The following USP7 variants were observed in gnomAD, a reference collection of about 807,000 sequenced individuals.
USP7 encodes ubiquitin C-terminal hydrolase 7.
In USP7, 9 loss-of-function variants were observed where a neutral mutation model predicts 162.9. The ratio of observed to expected loss-of-function variants is 0.06; its 90% CI spans 0.03 to 0.10. USP7 has a LOEUF of 0.10. Ranked by LOEUF, USP7 falls within the 10% of genes least tolerant of loss-of-function variation. The pLI is 1.00. For synonymous variants in USP7, 562 were observed against 475.9 expected (o/e 1.18, Z -2.35); for missense variants, 715 against 1,373.7 (o/e 0.52, Z 7.58).
At chr16:8,932,411 A>C (rs908814938) in intron 1 of USP7, among the ~76,000 whole-genome samples, 2 of 152,140 alleles carry the variant, frequency 1.3e-5, no homozygotes, top group African/African-American at 4.8e-5. Context: ...ATTTATTATT[A>C]TTTTTAAAGC....
At chr16:8,951,526 C>A (rs1376171884) in intron 1 of USP7, among the ~76,000 whole-genome samples, 2 of 152,110 alleles carry the variant, frequency 1.3e-5, no homozygotes, top group Non-Finnish European at 2.9e-5. Context: ...TTGGAGAGAG[C>A]CCCTGGATAT....
chr16:8,947,817 G>A (rs1899357350), intron 1 of USP7, among the ~76,000 whole-genome samples: 1 of 152,204 alleles, frequency 6.6e-6, no homozygotes, highest in African/African-American at 2.4e-5. Flanking sequence ...GTGCCATGCT[G>A]CCTCAGCTAG....
Position 8,904,628 on chromosome 16 carries a change from G to A in USP7, c.1574-63C>T, listed in dbSNP as rs878989275. 6.4e-5 allele frequency: 101 copies of A among 1,582,972 alleles called. No individual in the cohort carries two copies. In the South Asian group the frequency reaches 7.4e-4, roughly 12 times the overall value. On this transcript the variant is annotated intron_variant, in intron 14 of 30. Coordinates refer to ENST00000344836, the MANE Select transcript of USP7 (RefSeq NM_003470.3). The stretch of plus-strand genomic sequence containing the variant: ...GGACTTTCCCCTCTTAGAAGCTCCC[G>A]ATTCTAGGTCATCATTAATAAAATA...
intron 1 of USP7, among the ~76,000 whole-genome samples, chr16:8,958,366 G>T (rs927997737): frequency 6.6e-6 from 1 of 152,336 alleles, no homozygotes; most frequent in Admixed American, 6.5e-5. Flanking sequence ...CAAGGAGGCT[G>T]GGGCCATCCT....
intron 7 of USP7, 90 bp downstream of exon 7, chr16:8,916,936 C>G (rs1897402977): frequency 7.1e-7 from 1 of 1,414,734 alleles, no homozygotes; most frequent in Admixed American, 2.7e-5. Flanking sequence ...ACAGTATGCT[C>G]TACTAACTTT....
chr16:8,952,628 C>G (rs989845991), intron 1 of USP7, among the ~76,000 whole-genome samples: 20 of 152,192 alleles, frequency 1.3e-4, no homozygotes, highest in African/African-American at 4.8e-4. Context: ...GGCCCACCTC[C>G]TCACTAGGGA....
intron 13 of USP7, 71 bp downstream of exon 13, chr16:8,906,355 G>T: frequency 6.5e-7 from 1 of 1,547,456 alleles, no homozygotes; most frequent in South Asian, 1.2e-5. Context: ...GTAGGAACCA[G>T]AACAGGCTGA....
At chr16:8,941,220 G>A (rs960451758) in intron 1 of USP7, among the ~76,000 whole-genome samples, 8 of 152,038 alleles carry the variant, frequency 5.3e-5, no homozygotes, top group Non-Finnish European at 1.2e-4. Context: ...GAAACCTCTT[G>A]GAAGGAGCCA....
chr16:8,894,860 A>C lies in USP7; in HGVS notation c.3040-5T>G. 1 of 1,614,208 alleles carries C rather than the reference A, an allele frequency of 6.2e-7. No homozygotes were observed. The highest frequency in any genetic ancestry group is 8.5e-7 in the Non-Finnish European group (1 of 1,180,032). ...CACTTCTCGAAAATGCTCGCCCTAG[A>C]ATGGCAAAGGACATGTGCTCACACA... On this transcript the variant is annotated splice_region_variant and splice_polypyrimidine_tract_variant and intron_variant, in intron 28 of 30. Transcript: ENST00000344836.
At chr16:8,947,800 T>C (rs1039974162) in intron 1 of USP7, among the ~76,000 whole-genome samples, 64 of 152,220 alleles carry the variant, frequency 4.2e-4, no homozygotes, top group African/African-American at 1.5e-3. Flanking sequence ...GACTGCCTGA[T>C]GGGTTTGTGC....
intron 1 of USP7, among the ~76,000 whole-genome samples, chr16:8,951,807 T>C (rs2141262230): frequency 6.6e-6 from 1 of 152,348 alleles, no homozygotes; most frequent in East Asian, 1.9e-4. Context: ...AGGATCTCAT[T>C]AAAACTTGTT....
At chr16:8,938,151 C>A (rs1041400013) in intron 1 of USP7, among the ~76,000 whole-genome samples, 1 of 152,088 alleles carries the variant, frequency 6.6e-6, no homozygotes, top group African/African-American at 2.4e-5. Context: ...CCTGAGCAAA[C>A]AGGCACGACA....
chr16:8,916,694 G>A, intron 7 of USP7, 138 bp from the exon 8 acceptor site: 2 of 917,360 alleles, frequency 2.2e-6, no homozygotes, highest in Admixed American at 2.9e-5. Flanking sequence ...TTATTTTTGG[G>A]AGTCATAATT....
At chr16:8,908,839 C>G (rs926263082) in intron 11 of USP7, among the ~76,000 whole-genome samples, 1 of 152,218 alleles carries the variant, frequency 6.6e-6, no homozygotes, top group Non-Finnish European at 1.5e-5. Flanking sequence ...TCAGAAAACT[C>G]TGGTTACAAT....
At position 8,903,305 on chromosome 16, in the gene USP7, G is replaced by A. The variant is rs768357840; in HGVS notation, c.1802C>T (p.Ser601Leu). 1.2e-5 allele frequency: 20 copies of A among 1,613,862 alleles called. No homozygotes were observed. Among genetic ancestry groups the A allele is most frequent in the Non-Finnish European group, 1.5e-5 (18 of 1,179,942 alleles). ...YTVFKVLKNS[S>L]LAEFVQSLSQ... is the part of the protein sequence containing the mutation. ...GAGGCTCTGAACAAACTCAGCAAGCGAGGAGTTCTTCAATACTTTGAACAC... is the reference window on the plus strand; with the variant it reads ...GAGGCTCTGAACAAACTCAGCAAGCAAGGAGTTCTTCAATACTTTGAACAC... The change falls in exon 16 of 31, where the codon TCG becomes TTG. Residue 601 changes from serine to leucine, a missense_variant. This residue lies in a region of USP7 where 197 missense variants were observed against 306.5 expected (regional missense o/e 0.64). Coordinates refer to ENST00000344836, the MANE Select transcript of USP7 (RefSeq NM_003470.3).
intron 1 of USP7, among the ~76,000 whole-genome samples, chr16:8,959,356 C>CAA (rs34434646): frequency 0.054 from 7,757 of 142,460 alleles, 302 homozygotes; most frequent in Non-Finnish European, 0.08. Flanking sequence ...AACACTAATT[C>CAA]AAAAAAAAAA....
chr16:8,963,345 G>GGGCGGCGGCGAGCCGGGGCGGCGGC lies in USP7; in HGVS notation c.-85_-61dup, dbSNP rs1900099117. On this transcript the variant is annotated 5_prime_UTR_variant, in exon 1 of 31. Transcript: ENST00000344836. ...GGCCGGGGCTGCGAGCCCGGCGGGC[G>GGGCGGCGGCGAGCCGGGGCGGCGGC]GGCGGCGGCGAGCCGGGGCGGCGGC... 6.0e-6 allele frequency: 4 copies of GGGCGGCGGCGAGCCGGGGCGGCGGC among 661,466 alleles called. No homozygotes were observed. Among genetic ancestry groups the GGGCGGCGGCGAGCCGGGGCGGCGGC allele is most frequent in the Non-Finnish European group, 7.5e-6 (4 of 536,488 alleles). The allele number at this position is 661,466 out of a possible 1,614,324, so 41.0% of individuals were successfully genotyped here. A position where few individuals can be genotyped will look rare whatever the true frequency, so the allele number is the denominator to read the frequency against.
In USP7 at chr16:8,929,708, AAAG is replaced by A. The variant is rs1898207297; in HGVS notation, c.184+582_184+584del. 3.3e-5 allele frequency among the ~76,000 whole-genome samples: 5 copies of A among 152,334 alleles called. No homozygotes were observed. The South Asian group carries it at 1.0e-3, about 32-fold the overall frequency. ...TTGAGGTCACTAATTTGATAAATTT[AAAG>A]AAGGAATGGTCTCGGAAGAAAAAAA... On this transcript the variant is annotated intron_variant, in intron 2 of 30. Coordinates refer to ENST00000344836, the MANE Select transcript of USP7 (RefSeq NM_003470.3).
chr16:8,894,726 G>A (rs574301072), intron 29 of USP7, 58 bp downstream of exon 29: 21 of 1,612,400 alleles, frequency 1.3e-5, no homozygotes, highest in South Asian at 7.7e-5. Context: ...AGGCCGCTAC[G>A]CTAGGCAAGG....
Sources: gnomAD v4.1 joint callset for allele counts (sites outside exome capture counted in the v4.1 genomes callset) on GRCh38, gnomAD v4.1.1 for gene constraint, gnomAD v4.1.1 regional missense constraint, MANE v1.5 for transcripts, NCBI Gene and HGNC (gene_info 2026-07-23, HGNC 2026-07-21) for gene names.